The following NEK7 variants were observed in gnomAD, a reference collection of about 807,000 sequenced individuals.
The protein encoded by NEK7 is NIMA related kinase 7, also known as serine/threonine-protein kinase Nek7.
NEK7 carries 18 observed loss-of-function variants against 44.6 expected under a neutral mutation model. The ratio of observed to expected loss-of-function variants is 0.40; its 90% CI spans 0.28 to 0.60. The LOEUF is 0.60. Ranked by LOEUF, NEK7 falls within the 20% of genes least tolerant of loss-of-function variation. The pLI is 0.38. For synonymous variants in NEK7, 130 were observed against 121.1 expected, an observed-to-expected ratio of 1.07 and a Z score of -0.48; for missense variants, 256 against 366.5, an observed-to-expected ratio of 0.70 and a Z score of 2.46.
chr1:198,315,567 A>G (rs887703835), intron 9 of NEK7, among the ~76,000 whole-genome samples: 3 of 152,220 alleles, frequency 2.0e-5, no homozygotes, highest in Admixed American at 2.0e-4. Flanking sequence ...AGAAATAGGA[A>G]GACAACTGAA....
intron 1 of NEK7, among the ~76,000 whole-genome samples, chr1:198,159,608 A>T (rs1252499789): frequency 6.6e-6 from 1 of 152,174 alleles, no homozygotes; most frequent in African/African-American, 2.4e-5. Flanking sequence ...TTTATTTCTA[A>T]GCGTACAGAC....
chr1:198,238,847 T>G (rs576333158), intron 2 of NEK7, among the ~76,000 whole-genome samples: 2 of 152,232 alleles, frequency 1.3e-5, no homozygotes, highest in Non-Finnish European at 2.9e-5. Flanking sequence ...GATATTCTTA[T>G]AGGTACCTCA....
chr1:198,160,019 T>TC (rs1283909657), intron 1 of NEK7, among the ~76,000 whole-genome samples: 2 of 152,252 alleles, frequency 1.3e-5, no homozygotes, highest in African/African-American at 4.8e-5. Flanking sequence ...TCTTTTTTTT[T>TC]CCCCTCAATT....
chr1:198,302,352 CCTT>C (rs1388271648), intron 9 of NEK7, among the ~76,000 whole-genome samples: 3 of 150,260 alleles, frequency 2.0e-5, no homozygotes, highest in Admixed American at 6.6e-5. Context: ...CTGTCCCTCT[CCTT>C]TTTTTTTTTT....
At chr1:198,169,683 C>G (rs2102715556) in intron 1 of NEK7, among the ~76,000 whole-genome samples, 1 of 151,542 alleles carries the variant, frequency 6.6e-6, no homozygotes, top group East Asian at 1.9e-4. Flanking sequence ...CCATATGTCA[C>G]TGTTCAATCT....
intron 1 of NEK7, among the ~76,000 whole-genome samples, chr1:198,191,584 C>A (rs1665075173): frequency 6.6e-6 from 1 of 151,604 alleles, no homozygotes; most frequent in African/African-American, 2.4e-5. Context: ...TTTCTTTGTA[C>A]TTTTTAAATT....
At chr1:198,209,539 A>G (rs1558057164) in intron 1 of NEK7, among the ~76,000 whole-genome samples, 1 of 152,206 alleles carries the variant, frequency 6.6e-6, no homozygotes, top group Non-Finnish European at 1.5e-5. Flanking sequence ...TAAGAATAAT[A>G]TCCTTTGAGT....
intron 1 of NEK7, among the ~76,000 whole-genome samples, chr1:198,165,571 C>T (rs1009187495): frequency 6.6e-6 from 1 of 152,200 alleles, no homozygotes. Flanking sequence ...TCGGTCTCAA[C>T]AGTGGGCTTA....
intron 7 of NEK7, among the ~76,000 whole-genome samples, chr1:198,284,991 C>T (rs1183236465): frequency 2.0e-5 from 3 of 152,096 alleles, no homozygotes; most frequent in Non-Finnish European, 4.4e-5. Flanking sequence ...CAGTAAGTTA[C>T]AGATGAGAAA....
At chr1:198,190,055 C>T (rs559393145) in intron 1 of NEK7, among the ~76,000 whole-genome samples, 1 of 152,104 alleles carries the variant, frequency 6.6e-6, no homozygotes, top group South Asian at 2.1e-4. Context: ...TTGAAAAATG[C>T]TTGCATTTTA....
At chr1:198,184,197 T>C (rs567915768) in intron 1 of NEK7, among the ~76,000 whole-genome samples, 1 of 152,314 alleles carries the variant, frequency 6.6e-6, no homozygotes, top group Non-Finnish European at 1.5e-5. Flanking sequence ...ATGCAAGGAT[T>C]TGACTTTATT....
At chr1:198,196,709 G>A (rs1056529583) in intron 1 of NEK7, among the ~76,000 whole-genome samples, 4 of 152,204 alleles carry the variant, frequency 2.6e-5, no homozygotes, top group African/African-American at 9.7e-5. Context: ...GGAGGGAAGG[G>A]CAAAGGCAGC....
chr1:198,279,203 C>T (rs1190294099), intron 7 of NEK7, 142 bp downstream of exon 7: 4 of 463,506 alleles, frequency 8.6e-6, no homozygotes, highest in Non-Finnish European at 1.5e-5. Context: ...ATGCCTGCAA[C>T]TCTCTATTAG....
chr1:198,208,026 A>G (rs146022203), intron 1 of NEK7, among the ~76,000 whole-genome samples: 5 of 152,338 alleles, frequency 3.3e-5, no homozygotes, highest in African/African-American at 9.6e-5. Flanking sequence ...CATTTCTAAC[A>G]TGGCAATCAC....
At chr1:198,269,933 C>T (rs533851176) in intron 5 of NEK7, among the ~76,000 whole-genome samples, 2 of 151,906 alleles carry the variant, frequency 1.3e-5, no homozygotes, top group Admixed American at 6.6e-5. Context: ...AAAGGAAAAT[C>T]GACTCTTACA....
At chr1:198,257,495 C>T (rs989565089) in intron 3 of NEK7, among the ~76,000 whole-genome samples, 13 of 152,192 alleles carry the variant, frequency 8.5e-5, no homozygotes, top group African/African-American at 1.7e-4. Flanking sequence ...TTAATATATT[C>T]GTAACCTCTG....
chr1:198,280,840 T>A (rs183356955), intron 7 of NEK7, among the ~76,000 whole-genome samples: 1 of 150,692 alleles, frequency 6.6e-6, no homozygotes, highest in Non-Finnish European at 1.5e-5. Flanking sequence ...CTAAGCATTC[T>A]AAGACATACC....
Position 198,263,072 on chromosome 1 carries a change from C to A in NEK7, c.261+435C>A, listed in dbSNP as rs80239899. 5.2e-3 allele frequency among the ~76,000 whole-genome samples: 785 copies of A among 151,950 alleles called. 9 individuals are homozygous for A. The highest frequency in any genetic ancestry group is 0.018 in the African/African-American group (753 of 41,546). ...ACTTTTTCCAGACTTAGACAGAGTGCATGTAAAGAGTATGCCAGGAATTAG... is the reference window on the plus strand; with the variant it reads ...ACTTTTTCCAGACTTAGACAGAGTGAATGTAAAGAGTATGCCAGGAATTAG... On this transcript the variant is annotated intron_variant, in intron 4 of 9. Transcript: ENST00000367385.
In NEK7 at chr1:198,277,096, T is replaced by C. The variant is rs184978531; in HGVS notation, c.373-865T>C. 2.9e-4 allele frequency among the ~76,000 whole-genome samples: 44 copies of C among 151,932 alleles called. No homozygotes were observed. The East Asian group carries it at 8.5e-3, about 29-fold the overall frequency. ...GAAACCTATTACAATGCAATATTCATGTTGGTCATTTATAGGTATTGTTAA... is the reference window on the plus strand; with the variant it reads ...GAAACCTATTACAATGCAATATTCACGTTGGTCATTTATAGGTATTGTTAA... On this transcript the variant is annotated intron_variant, in intron 5 of 9. Transcript: ENST00000367385.
Sources: gnomAD v4.1 joint callset for allele counts (sites outside exome capture counted in the v4.1 genomes callset) on GRCh38, gnomAD v4.1.1 for gene constraint, MANE v1.5 for transcripts, NCBI Gene and HGNC (gene_info 2026-07-23, HGNC 2026-07-21) for gene names.